The following DOCK7 variants were observed in gnomAD, a reference collection of about 807,000 sequenced individuals.
The protein encoded by DOCK7 is dedicator of cytokinesis 7.
A neutral mutation model predicts 271.0 loss-of-function variants in DOCK7; 138 were observed. The ratio of observed to expected loss-of-function variants is 0.51; its 90% CI spans 0.44 to 0.59. The LOEUF (loss-of-function observed/expected upper bound fraction) is 0.59, where lower values mean the gene tolerates loss of function less well. DOCK7 is among the 20% of genes least tolerant of loss of function. The pLI, the probability that DOCK7 is intolerant of heterozygous loss-of-function variation, is 0.00. For synonymous variants in DOCK7, 823 were observed against 876.1 expected, an observed-to-expected ratio of 0.94 and a Z score of 1.07; for missense variants, 2,066 against 2,592.4, an observed-to-expected ratio of 0.80 and a Z score of 4.41.
chr1:62,463,647 GAT>G (rs1374353280), intron 48 of DOCK7, among the ~76,000 whole-genome samples: 1 of 152,108 alleles, frequency 6.6e-6, no homozygotes, highest in Non-Finnish European at 1.5e-5. Flanking sequence ...ATTTACCATA[GAT>G]ATATCTCACA....
At chr1:62,557,429 A>G (rs1646181657) in intron 20 of DOCK7, among the ~76,000 whole-genome samples, 1 of 151,394 alleles carries the variant, frequency 6.6e-6, no homozygotes, top group Admixed American at 6.6e-5. Context: ...ACATGCTAAA[A>G]TGTCTCCACT....
chr1:62,684,209 T>C (rs1241295707), intron 1 of DOCK7, among the ~76,000 whole-genome samples: 1 of 131,190 alleles, frequency 7.6e-6, no homozygotes. Flanking sequence ...CAAAACTCCA[T>C]CTTAAAAAAA....
rs542134811 is a variant in DOCK7 at position 62,495,494 on chromosome 1, TTGTG to T, written c.5024+83_5024+86del. On this transcript the variant is annotated intron_variant, in intron 39 of 49. Transcript: ENST00000635253. ...AATAAAGAAAAATCACAAATCATTT[TTGTG>T]TGTTTATTTTTTTCATCTAATGCTT... 4.1e-4 allele frequency: 309 copies of T among 760,922 alleles called. 1 individual carries two copies. The highest frequency in any genetic ancestry group is 4.0e-3 in the African/African-American group (220 of 54,348). 47.1% of individuals were successfully genotyped at this position (760,922 alleles called of 1,614,324 possible).
At chr1:62,493,488 T>TAA (rs1419981046) in intron 40 of DOCK7, among the ~76,000 whole-genome samples, 2 of 152,200 alleles carry the variant, frequency 1.3e-5, no homozygotes, top group Non-Finnish European at 2.9e-5. Flanking sequence ...ACACTCTTTT[T>TAA]AAAGATTTCA....
At chr1:62,528,392 AACTT>A in intron 30 of DOCK7, 87 bp from the exon 31 acceptor site, 2 of 1,275,536 alleles carry the variant, frequency 1.6e-6, no homozygotes, top group Non-Finnish European at 2.1e-6. Flanking sequence ...TTAAAAGAAT[AACTT>A]GTTGACATGT....
rs986136519 is a variant in DOCK7, at chr1:62,633,443, T to A, written c.1116+55A>T. On this transcript the variant is annotated intron_variant, in intron 10 of 49. Coordinates refer to ENST00000635253, the MANE Select transcript of DOCK7 (RefSeq NM_001367561.1). ...TAAAATGCTATTGGGAGAATAGTAT[T>A]CTCCCAAGTTACAATAGTAATAATG... 80 of 1,324,886 alleles carry A rather than the reference T, an allele frequency of 6.0e-5. No individual in the cohort carries two copies. The East Asian group carries it at 1.8e-3, about 30-fold the overall frequency. 82.1% of individuals were successfully genotyped at this position (1,324,886 alleles called of 1,614,324 possible).
intron 1 of DOCK7, 92 bp downstream of exon 1, chr1:62,688,135 C>A: frequency 8.3e-7 from 1 of 1,208,460 alleles, no homozygotes; most frequent in Non-Finnish European, 1.0e-6. Flanking sequence ...GCCGGCCCCG[C>A]CACACCCACC....
intron 18 of DOCK7, among the ~76,000 whole-genome samples, chr1:62,562,606 CCTG>C (rs1646364810): frequency 6.6e-6 from 1 of 152,080 alleles, no homozygotes; most frequent in Non-Finnish European, 1.5e-5. Flanking sequence ...CTCTATTCCT[CCTG>C]CTAAGTACAG....
intron 14 of DOCK7, among the ~76,000 whole-genome samples, chr1:62,615,720 G>A (rs1459677691): frequency 6.6e-6 from 1 of 151,604 alleles, no homozygotes; most frequent in African/African-American, 2.4e-5. Flanking sequence ...CATTTAATGA[G>A]TCCTTTTTTA....
chr1:62,651,797 T>C (rs1266806798), intron 4 of DOCK7, among the ~76,000 whole-genome samples: 4 of 152,198 alleles, frequency 2.6e-5, no homozygotes, highest in Non-Finnish European at 5.9e-5. Context: ...CTTTTATTTG[T>C]AGTTGGATAA....
At chr1:62,519,162 A>C (rs551349439) in intron 31 of DOCK7, among the ~76,000 whole-genome samples, 1 of 152,308 alleles carries the variant, frequency 6.6e-6, no homozygotes, top group South Asian at 2.1e-4. Flanking sequence ...AAAAGAAACA[A>C]AAATCTGACA....
At position 62,537,969 on chromosome 1, in the gene DOCK7, A is replaced by G; in HGVS notation, c.3393T>C (p.Tyr1131=). The G allele has an allele frequency of 1.2e-6, 2 of 1,614,116 alleles. No homozygotes were observed. The highest frequency in any genetic ancestry group is 1.7e-6 in the Non-Finnish European group (2 of 1,179,978). Residue 1131 remains tyrosine, a synonymous_variant, in exon 28 of 50, where the codon TAT becomes TAC. Coordinates refer to ENST00000635253, the MANE Select transcript of DOCK7 (RefSeq NM_001367561.1). The part of the protein sequence containing the change: ...FLRIICSHEH[Y]VTLNLPCSLL... ...AGCTGCAGGGTAAGTTTAATGTAAC[A>G]TAGTGCTCATGACTGCAGATGATTC...
At chr1:62,657,071 T>C (rs1658105928) in intron 2 of DOCK7, among the ~76,000 whole-genome samples, 1 of 152,192 alleles carries the variant, frequency 6.6e-6, no homozygotes. Context: ...AATCTGGACA[T>C]CAACTCCTAT....
Position 62,464,245 on chromosome 1 carries a change from G to A in DOCK7, c.6213-6540C>T, listed in dbSNP as rs577169711. On this transcript the variant is annotated intron_variant, in intron 48 of 49. Coordinates refer to ENST00000635253, the MANE Select transcript of DOCK7 (RefSeq NM_001367561.1). The stretch of plus-strand genomic sequence containing the variant: ...CGGCTAATTTCTTGTATTTTTAGTA[G>A]AGATGGGGTTTTGCCATGTTGGCCA... Among the ~76,000 whole-genome samples, 7 of 151,798 alleles carry A rather than the reference G, an allele frequency of 4.6e-5. No homozygotes were observed. The South Asian group carries it at 1.5e-3, about 32-fold the overall frequency.
chr1:62,489,400 G>A (rs1172475840), intron 41 of DOCK7, among the ~76,000 whole-genome samples: 1 of 152,172 alleles, frequency 6.6e-6, no homozygotes. Flanking sequence ...AGTGAGCTGA[G>A]ACCGCGCCAC....
intron 14 of DOCK7, among the ~76,000 whole-genome samples, chr1:62,587,299 T>TA: frequency 0.059 from 2,473 of 41,796 alleles, 55 homozygotes; most frequent in Admixed American, 0.072. Flanking sequence ...ACCAAATAGC[T>TA]AAAAAAAAAA....
chr1:62,596,664 C>A (rs1024410315), intron 14 of DOCK7, among the ~76,000 whole-genome samples: 3 of 151,954 alleles, frequency 2.0e-5, no homozygotes, highest in Non-Finnish European at 4.4e-5. Context: ...TGTTATTAAT[C>A]TCCTCTTTTT....
At chr1:62,499,651 G>A (rs1646722470) in intron 37 of DOCK7, among the ~76,000 whole-genome samples, 1 of 152,044 alleles carries the variant, frequency 6.6e-6, no homozygotes, top group Non-Finnish European at 1.5e-5. Flanking sequence ...AGACAGGAGA[G>A]CTGCTTGAGG....
intron 7 of DOCK7, among the ~76,000 whole-genome samples, chr1:62,640,947 T>C (rs1427881508): frequency 1.3e-5 from 2 of 152,202 alleles, no homozygotes; most frequent in Non-Finnish European, 2.9e-5. Flanking sequence ...TGGCTTAAAG[T>C]AACCTTATAG....
Sources: allele counts gnomAD v4.1 joint callset (sites outside exome capture counted in the v4.1 genomes callset), GRCh38; gene constraint gnomAD v4.1.1; transcripts MANE v1.5; gene names NCBI Gene and HGNC (gene_info 2026-07-23, HGNC 2026-07-21).